Variants in TMTC1 observed in about 807,000 individuals in gnomAD.
TMTC1 encodes the protein transmembrane O-mannosyltransferase targeting cadherins 1.
Under a neutral mutation model 104.8 loss-of-function variants are expected in TMTC1, and 73 were observed. The ratio of observed to expected loss-of-function variants is 0.70; its 90% confidence interval spans 0.58 to 0.85. The LOEUF is 0.85. Ranked by LOEUF, TMTC1 falls within the 40% of genes least tolerant of loss-of-function variation. The probability of loss-of-function intolerance (pLI) is 0.00; values close to 1 mark genes in which losing one functional copy is unlikely to be tolerated. For missense variants in TMTC1, 1,035 were observed against 1,096.1 expected (o/e 0.94, Z 0.79); for synonymous variants, 434 against 428.7 (o/e 1.01, Z -0.15).
At chr12:29,660,068 A>G (rs1034120272) in intron 5 of TMTC1, 2 of 1,048,302 alleles carry the variant, frequency 1.9e-6, no homozygotes, top group Non-Finnish European at 2.8e-6. Context: ...CTAACAGGGA[A>G]TGAAGTCAGT....
At chr12:29,660,858 A>T in intron 5 of TMTC1, 1 of 1,507,596 alleles carries the variant, frequency 6.6e-7, no homozygotes, top group Non-Finnish European at 8.8e-7. Flanking sequence ...TAAGCAGGAA[A>T]TTTCTATTGC....
intron 5 of TMTC1, among the ~76,000 whole-genome samples, chr12:29,643,449 C>CATATATGTGATATATATAT: frequency 1.1e-5 from 1 of 92,918 alleles, no homozygotes; most frequent in Middle Eastern, 4.9e-3. Context: ...ATATATATCA[C>CATATATGTGATATATATAT]ATATATATGA....
At chr12:29,648,411 T>C (rs1320139711) in intron 5 of TMTC1, among the ~76,000 whole-genome samples, 1 of 152,180 alleles carries the variant, frequency 6.6e-6, no homozygotes, top group African/African-American at 2.4e-5. Context: ...TCTTTTCTTT[T>C]CTTTTCTTTT....
At chr12:29,610,572 G>A (rs982021461) in intron 6 of TMTC1, among the ~76,000 whole-genome samples, 3 of 152,156 alleles carry the variant, frequency 2.0e-5, no homozygotes, top group Non-Finnish European at 4.4e-5. Flanking sequence ...TCCTGCGGCA[G>A]TCTTATGGGT....
chr12:29,704,848 G>A (rs554441040), intron 5 of TMTC1, among the ~76,000 whole-genome samples: 6 of 152,298 alleles, frequency 3.9e-5, no homozygotes, highest in African/African-American at 1.4e-4. Context: ...TCCACTTCCA[G>A]GAGAATTCAA....
chr12:29,577,400 C>A (rs1008098459), intron 8 of TMTC1, among the ~76,000 whole-genome samples: 2 of 152,160 alleles, frequency 1.3e-5, no homozygotes, highest in African/African-American at 2.4e-5. Context: ...GGAAAATACT[C>A]ATGCTTCTCA....
intron 6 of TMTC1, among the ~76,000 whole-genome samples, chr12:29,606,681 T>C (rs1464738215): frequency 1.3e-5 from 2 of 152,174 alleles, no homozygotes; most frequent in Non-Finnish European, 2.9e-5. Context: ...AACAGAACAA[T>C]GATCAGGCTG....
intron 1 of TMTC1, among the ~76,000 whole-genome samples, chr12:29,782,191 G>C (rs1267456547): frequency 1.3e-5 from 2 of 152,230 alleles, no homozygotes; most frequent in Non-Finnish European, 2.9e-5. Context: ...TAGAAAACGA[G>C]AACAACTTTC....
intron 6 of TMTC1, among the ~76,000 whole-genome samples, chr12:29,625,827 G>T (rs1213014502): frequency 6.6e-6 from 1 of 152,126 alleles, no homozygotes; most frequent in African/African-American, 2.4e-5. Context: ...TTAGCTGGGA[G>T]AAAGTCAAGA....
At chr12:29,769,605 G>C (rs999025133) in intron 1 of TMTC1, among the ~76,000 whole-genome samples, 4 of 152,184 alleles carry the variant, frequency 2.6e-5, no homozygotes, top group South Asian at 2.1e-4. Context: ...ACCAAGTCCA[G>C]GTCCTTGGAG....
intron 5 of TMTC1, among the ~76,000 whole-genome samples, chr12:29,654,821 C>T (rs922654554): frequency 6.6e-6 from 1 of 152,056 alleles, no homozygotes; most frequent in Admixed American, 6.5e-5. Flanking sequence ...ATGGATGAAC[C>T]TTGATAACCT....
chr12:29,552,472 T>G (rs1945131669), intron 10 of TMTC1, among the ~76,000 whole-genome samples: 1 of 152,196 alleles, frequency 6.6e-6, no homozygotes, highest in African/African-American at 2.4e-5. Context: ...CATGTATGGC[T>G]CTCATTTCTA....
At chr12:29,653,023 C>T (rs1477314266) in intron 5 of TMTC1, among the ~76,000 whole-genome samples, 1 of 151,956 alleles carries the variant, frequency 6.6e-6, no homozygotes, top group Non-Finnish European at 1.5e-5. Context: ...AATCTTGCCA[C>T]TGAACTCCAG....
intron 13 of TMTC1, among the ~76,000 whole-genome samples, chr12:29,518,066 A>C (rs1284001256): frequency 3.9e-5 from 6 of 152,200 alleles, no homozygotes; most frequent in Non-Finnish European, 5.9e-5. Context: ...GAACGTAAGA[A>C]TGTCTTATTG....
intron 4 of TMTC1, among the ~76,000 whole-genome samples, chr12:29,752,527 C>T (rs1943116864): frequency 6.6e-6 from 1 of 152,174 alleles, no homozygotes; most frequent in Admixed American, 6.5e-5. Context: ...TGAAAGAAAC[C>T]TTCACGTATT....
chr12:29,558,177 T>C (rs1425994076), intron 9 of TMTC1, among the ~76,000 whole-genome samples: 1 of 152,194 alleles, frequency 6.6e-6, no homozygotes, highest in African/African-American at 2.4e-5. Context: ...AGAGTGGACA[T>C]AGTTAGCAGT....
At chr12:29,660,936 A>G (rs1939993147) in intron 5 of TMTC1, 3 of 1,109,406 alleles carry the variant, frequency 2.7e-6, no homozygotes, top group Non-Finnish European at 2.5e-6. Flanking sequence ...ACCAGACACA[A>G]TGTTCTCCTT....
intron 5 of TMTC1, among the ~76,000 whole-genome samples, chr12:29,662,616 CTCCAGCTTGGGTGACAG>C (rs68184356): frequency 0.23 from 33,346 of 147,426 alleles, 3,853 homozygotes; most frequent in African/African-American, 0.26. Flanking sequence ...TGCCACTACA[CTCCAGCTTGGGTGACAG>C]TCCAGCTTGG....
At chr12:29,707,959 T>C (rs1941794157) in intron 5 of TMTC1, among the ~76,000 whole-genome samples, 1 of 152,208 alleles carries the variant, frequency 6.6e-6, no homozygotes, top group Non-Finnish European at 1.5e-5. Context: ...AAATTTCTGG[T>C]GAATACTTAC....
Sources: allele counts gnomAD v4.1 joint callset (sites outside exome capture counted in the v4.1 genomes callset), GRCh38; gene constraint gnomAD v4.1.1; transcripts MANE v1.5; gene names NCBI Gene and HGNC (gene_info 2026-07-23, HGNC 2026-07-21).